Variants in NDST3 observed in about 807,000 individuals in gnomAD.
NDST3 encodes N-deacetylase and N-sulfotransferase 3.
A neutral mutation model predicts 96.1 loss-of-function variants in NDST3; 58 were observed. That is an observed-to-expected ratio of 0.60 (90% CI 0.49 to 0.75). The LOEUF is 0.75. Among genes scored for constraint, NDST3 ranks in the 30% least tolerant of loss-of-function variants. NDST3 has a pLI of 0.00. For synonymous variants in NDST3, 333 were observed against 359.7 expected (o/e 0.93, Z 0.84); for missense variants, 788 against 1,034.2 (o/e 0.76, Z 3.27).
chr4:118,118,313 G>T (rs142235869), intron 4 of NDST3, among the ~76,000 whole-genome samples: 36 of 152,264 alleles, frequency 2.4e-4, no homozygotes, highest in Non-Finnish European at 4.4e-4. Flanking sequence ...GAGCAAATAG[G>T]TGTTCAAACA....
chr4:118,079,853 CAT>C (rs912124076), intron 2 of NDST3, among the ~76,000 whole-genome samples: 1 of 152,044 alleles, frequency 6.6e-6, no homozygotes, highest in African/African-American at 2.4e-5. Flanking sequence ...GGGCTTGAGA[CAT>C]ATTGAAAATG....
chr4:118,097,214 G>C (rs1004531672), intron 2 of NDST3, among the ~76,000 whole-genome samples: 3 of 151,864 alleles, frequency 2.0e-5, no homozygotes, highest in Non-Finnish European at 2.9e-5. Flanking sequence ...GAGTACTTTT[G>C]AGCCAGCACA....
chr4:118,159,624 G>C (rs1002936939), intron 6 of NDST3, among the ~76,000 whole-genome samples: 3 of 152,116 alleles, frequency 2.0e-5, no homozygotes, highest in Non-Finnish European at 4.4e-5. Context: ...TAAATTACCT[G>C]ACGAGAATTC....
chr4:118,203,540 G>A (rs1440593984), intron 6 of NDST3, among the ~76,000 whole-genome samples: 1 of 152,168 alleles, frequency 6.6e-6, no homozygotes, highest in Non-Finnish European at 1.5e-5. Context: ...AGTCTTGGAA[G>A]ATTGTGTCCT....
chr4:118,042,787 C>A (rs937293409), intron 1 of NDST3, among the ~76,000 whole-genome samples: 1 of 152,194 alleles, frequency 6.6e-6, no homozygotes, highest in Non-Finnish European at 1.5e-5. Flanking sequence ...ATATCCAAAC[C>A]CAGTGCATCA....
At chr4:118,096,540 A>G (rs1021615657) in intron 2 of NDST3, among the ~76,000 whole-genome samples, 4 of 151,916 alleles carry the variant, frequency 2.6e-5, no homozygotes, top group Non-Finnish European at 4.4e-5. Context: ...TCTGTTGCAT[A>G]ATTTCTAACC....
chr4:118,189,217 G>T (rs989250115), intron 6 of NDST3, among the ~76,000 whole-genome samples: 17 of 151,892 alleles, frequency 1.1e-4, no homozygotes, highest in African/African-American at 3.9e-4. Context: ...GCCTGGCTAA[G>T]TTTTTGTATT....
At chr4:118,059,420 T>C (rs1725716074) in intron 2 of NDST3, among the ~76,000 whole-genome samples, 1 of 152,148 alleles carries the variant, frequency 6.6e-6, no homozygotes, top group Non-Finnish European at 1.5e-5. Context: ...TGAGTGGCTA[T>C]ATCATTATTT....
At chr4:118,132,829 T>A (rs1028372992) in intron 4 of NDST3, among the ~76,000 whole-genome samples, 1 of 152,122 alleles carries the variant, frequency 6.6e-6, no homozygotes, top group Non-Finnish European at 1.5e-5. Flanking sequence ...TTCCCTTTTG[T>A]CCTAGAGTAT....
At chr4:118,173,259 G>C (rs974445459) in intron 6 of NDST3, among the ~76,000 whole-genome samples, 1 of 151,962 alleles carries the variant, frequency 6.6e-6, no homozygotes, top group African/African-American at 2.4e-5. Context: ...AAGAAACTGA[G>C]GTTCAAAGAA....
Position 118,138,038 on chromosome 4 carries a change from AT to A in NDST3, c.1225-13del. The A allele has an allele frequency of 1.3e-6, 2 of 1,566,816 alleles. No homozygotes were observed. Among genetic ancestry groups the A allele is most frequent in the African/African-American group, 1.4e-5 (1 of 72,770 alleles). Reference sequence around the variant, plus strand: ...TAAATCTTTACACGCTCCAATTAACATTTGCTTGGTCTTAGGAGCACGGCAT... The same window carrying A: ...TAAATCTTTACACGCTCCAATTAACATTGCTTGGTCTTAGGAGCACGGCAT... On this transcript the variant is annotated splice_polypyrimidine_tract_variant and intron_variant, in intron 4 of 13. Coordinates refer to ENST00000296499, the MANE Select transcript of NDST3 (RefSeq NM_004784.3).
intron 12 of NDST3, among the ~76,000 whole-genome samples, chr4:118,246,488 C>A (rs932064521): frequency 6.6e-6 from 1 of 152,146 alleles, no homozygotes; most frequent in African/African-American, 2.4e-5. Flanking sequence ...CACCTGTAGT[C>A]CCAGCTACTT....
chr4:118,116,904 C>T (rs1415366400), intron 4 of NDST3, among the ~76,000 whole-genome samples: 1 of 151,594 alleles, frequency 6.6e-6, no homozygotes, highest in Non-Finnish European at 1.5e-5. Context: ...TATGCTAGAA[C>T]AGGCATGCAC....
intron 2 of NDST3, among the ~76,000 whole-genome samples, chr4:118,056,821 T>C (rs2389502): frequency 0.52 from 78,786 of 151,774 alleles, 24,609 homozygotes; most frequent in East Asian, 0.72. Flanking sequence ...AATGATAAAG[T>C]GGGGGTGATA....
chr4:118,207,992 C>T (rs1738540005), intron 6 of NDST3, among the ~76,000 whole-genome samples: 1 of 144,122 alleles, frequency 6.9e-6, no homozygotes, highest in Non-Finnish European at 1.5e-5. Context: ...AGAAAGGAAA[C>T]ATTTATAAAC....
intron 2 of NDST3, among the ~76,000 whole-genome samples, chr4:118,066,226 ATATATATTATATATTATATATAT>A (rs1560617864): frequency 1.5e-5 from 1 of 66,084 alleles, no homozygotes; most frequent in African/African-American, 6.0e-5. Context: ...ATAATATATT[ATATATATTATATATTATATATAT>A]TATATATTAT....
chr4:118,231,251 G>A (rs1400786222), intron 8 of NDST3, among the ~76,000 whole-genome samples: 3 of 151,678 alleles, frequency 2.0e-5, no homozygotes, highest in Admixed American at 6.6e-5. Flanking sequence ...CATGAGAATC[G>A]CTTGAGCCCA....
At chr4:118,134,509 T>C (rs959024377) in intron 4 of NDST3, among the ~76,000 whole-genome samples, 1 of 152,134 alleles carries the variant, frequency 6.6e-6, no homozygotes, top group South Asian at 2.1e-4. Flanking sequence ...AATGATAGAA[T>C]TGAAGAAAAG....
chr4:118,093,422 G>C (rs1014727709), intron 2 of NDST3, among the ~76,000 whole-genome samples: 2 of 151,644 alleles, frequency 1.3e-5, no homozygotes, highest in African/African-American at 4.8e-5. Flanking sequence ...TTAATTCTGT[G>C]GCACAATTTC....
Sources: allele counts gnomAD v4.1 joint callset (sites outside exome capture counted in the v4.1 genomes callset), GRCh38; gene constraint gnomAD v4.1.1; transcripts MANE v1.5; gene names NCBI Gene and HGNC (gene_info 2026-07-23, HGNC 2026-07-21).